Variants in NALCN observed in about 807,000 individuals in gnomAD.
The protein encoded by NALCN is sodium leak channel NALCN.
Under a neutral mutation model 225.3 loss-of-function variants are expected in NALCN, and 111 were observed. That is an observed-to-expected ratio of 0.49 (90% CI 0.42 to 0.58). The LOEUF (loss-of-function observed/expected upper bound fraction) is 0.58. Ranked by LOEUF, NALCN falls within the 20% of genes least tolerant of loss-of-function variation. The pLI, the probability that NALCN is intolerant of heterozygous loss-of-function variation, is 0.00. For synonymous variants in NALCN, 764 were observed against 769.0 expected (o/e 0.99, Z 0.11); for missense variants, 1,378 against 2,202.4 (o/e 0.63, Z 7.49).
chr13:101,258,644 C>T, intron 10 of NALCN, 70 bp from the exon 11 acceptor site: 2 of 1,595,594 alleles, frequency 1.3e-6, no homozygotes, highest in East Asian at 2.2e-5. Context: ...TTGACTTAGT[C>T]CTTGGCTGAC....
intron 7 of NALCN, among the ~76,000 whole-genome samples, chr13:101,343,689 C>T (rs1011114778): frequency 3.9e-5 from 6 of 152,194 alleles, no homozygotes; most frequent in African/African-American, 1.2e-4. Context: ...TAGTAGGGGG[C>T]GACTGCCTCC....
At chr13:101,098,170 C>T (rs1225432571) in intron 27 of NALCN, among the ~76,000 whole-genome samples, 1 of 152,124 alleles carries the variant, frequency 6.6e-6, no homozygotes, top group African/African-American at 2.4e-5. Context: ...AATCCCACCT[C>T]CTCCCTGAAG....
chr13:101,316,757 A>G (rs1566568272), intron 7 of NALCN, among the ~76,000 whole-genome samples: 1 of 152,158 alleles, frequency 6.6e-6, no homozygotes, highest in Non-Finnish European at 1.5e-5. Flanking sequence ...TGCTTTTCAA[A>G]TGTTCCAAAG....
chr13:101,221,153 A>AT (rs57875788), intron 13 of NALCN, among the ~76,000 whole-genome samples: 15 of 149,132 alleles, frequency 1.0e-4, no homozygotes, highest in East Asian at 4.0e-4. Flanking sequence ...GTCCTTTTGA[A>AT]TTTTTTTTTT....
rs2030914337 is a variant in NALCN at position 101,054,172 on chromosome 13, GCTTTT to G, written c.*1118_*1122del. On this transcript the variant is annotated 3_prime_UTR_variant, in exon 44 of 44. Transcript: ENST00000251127. ...TCTAACAGCACTTTGTAATCATTTT[GCTTTT>G]CTAATTTTCCCGGAGGACATGGGCC... 6.6e-6 allele frequency: 1 copy of G among 152,104 alleles called. No homozygotes were observed. The highest frequency in any genetic ancestry group is 2.1e-4 in the South Asian group (1 of 4,828). The allele number at this position is 152,104 out of a possible 1,614,324, so 9.4% of individuals were successfully genotyped here.
intron 20 of NALCN, among the ~76,000 whole-genome samples, chr13:101,110,066 C>G (rs2035349084): frequency 6.6e-6 from 1 of 152,168 alleles, no homozygotes; most frequent in Non-Finnish European, 1.5e-5. Flanking sequence ...CTCCTCGTTC[C>G]TTAAAACAGA....
intron 11 of NALCN, among the ~76,000 whole-genome samples, chr13:101,240,484 T>A (rs2041719562): frequency 6.6e-6 from 1 of 152,028 alleles, no homozygotes; most frequent in Non-Finnish European, 1.5e-5. Flanking sequence ...AATTCTAATA[T>A]TTTTCATAAA....
chr13:101,061,553 G>C (rs1436907510), intron 41 of NALCN, among the ~76,000 whole-genome samples: 1 of 151,998 alleles, frequency 6.6e-6, no homozygotes, highest in Non-Finnish European at 1.5e-5. Flanking sequence ...GTTAATTTTT[G>C]TATTTTTAGT....
chr13:101,336,055 A>C (rs551218775), intron 7 of NALCN, among the ~76,000 whole-genome samples: 42 of 152,218 alleles, frequency 2.8e-4, no homozygotes, highest in Non-Finnish European at 4.9e-4. Flanking sequence ...AATTATAAAA[A>C]TAATAGAATA....
intron 27 of NALCN, among the ~76,000 whole-genome samples, chr13:101,095,946 G>A (rs907544996): frequency 2.0e-5 from 3 of 152,058 alleles, no homozygotes; most frequent in African/African-American, 7.2e-5. Context: ...AAAAGCACAC[G>A]ACAAGATGCT....
At chr13:101,405,864 G>GA (rs1275015199) in intron 1 of NALCN, among the ~76,000 whole-genome samples, 1 of 152,084 alleles carries the variant, frequency 6.6e-6, no homozygotes, top group Non-Finnish European at 1.5e-5. Flanking sequence ...TATACCCCAT[G>GA]AAAAAGTGCT....
At chr13:101,242,665 C>A (rs2041789435) in intron 11 of NALCN, among the ~76,000 whole-genome samples, 1 of 107,046 alleles carries the variant, frequency 9.3e-6, no homozygotes, top group African/African-American at 3.3e-5. Flanking sequence ...CCCATCAATT[C>A]TCTCTTCTTT....
chr13:101,106,292 T>G (rs1385166680), intron 22 of NALCN, among the ~76,000 whole-genome samples: 1 of 152,194 alleles, frequency 6.6e-6, no homozygotes, highest in Non-Finnish European at 1.5e-5. Context: ...TACAGTCACA[T>G]TCTGAGGTTC....
rs189017617 is a variant in NALCN, at chr13:101,325,192, G to T, written c.799+20074C>A. ...ATACTACAGATAAAGTAACAAATGG[G>T]CTGACTTTATGAAATATCTCAAACA... On this transcript the variant is annotated intron_variant, in intron 7 of 43. Coordinates refer to ENST00000251127, the MANE Select transcript of NALCN (RefSeq NM_052867.4). 2.4e-4 allele frequency among the ~76,000 whole-genome samples: 36 copies of T among 152,194 alleles called. No individual in the cohort carries two copies. The East Asian group carries it at 5.8e-3, about 25-fold the overall frequency.
At chr13:101,410,091 C>T (rs902619109) in intron 1 of NALCN, among the ~76,000 whole-genome samples, 1 of 152,154 alleles carries the variant, frequency 6.6e-6, no homozygotes, top group African/African-American at 2.4e-5. Context: ...TTCTTAGTCT[C>T]CAGACTGTAT....
intron 3 of NALCN, 56 bp downstream of exon 3, chr13:101,395,127 G>A (rs2047251060): frequency 6.7e-7 from 1 of 1,499,784 alleles, no homozygotes; most frequent in Non-Finnish European, 9.0e-7. Flanking sequence ...TGATTAAAGG[G>A]ATTAAGACTT....
chr13:101,155,041 G>GCA (rs1004462070), intron 15 of NALCN, among the ~76,000 whole-genome samples: 1 of 152,130 alleles, frequency 6.6e-6, no homozygotes, highest in African/African-American at 2.4e-5. Context: ...TTTGAACAAG[G>GCA]CAACACAGGA....
At chr13:101,233,531 G>A (rs989848802) in intron 12 of NALCN, among the ~76,000 whole-genome samples, 8 of 151,828 alleles carry the variant, frequency 5.3e-5, no homozygotes, top group Non-Finnish European at 1.0e-4. Flanking sequence ...TAGTAGAGAC[G>A]GGGTTTCACC....
chr13:101,104,238 G>A lies in NALCN; in HGVS notation c.2889+57C>T. 6.5e-7 allele frequency: 1 copy of A among 1,543,782 alleles called. No homozygotes were observed. The highest frequency in any genetic ancestry group is 8.7e-7 in the Non-Finnish European group (1 of 1,149,746). ...ACCTCTTGCGCTTATACCAAGAAATGCAGGAGATTTTACAAAACCATTACA... is the reference window on the plus strand; with the variant it reads ...ACCTCTTGCGCTTATACCAAGAAATACAGGAGATTTTACAAAACCATTACA... On this transcript the variant is annotated intron_variant, in intron 25 of 43. Coordinates refer to ENST00000251127, the MANE Select transcript of NALCN (RefSeq NM_052867.4). This position sits in a 1 kb window ranked among gnomAD's most constrained non-coding sequence, Gnocchi z 4.2.
Sources: allele counts gnomAD v4.1 joint callset (sites outside exome capture counted in the v4.1 genomes callset), GRCh38; gene constraint gnomAD v4.1.1; non-coding constraint Gnocchi (gnomAD v3.1); transcripts MANE v1.5; gene names NCBI Gene and HGNC (gene_info 2026-07-23, HGNC 2026-07-21).